HDX: variants seen among roughly 807,000 people sequenced by gnomAD.
The protein encoded by HDX is highly divergent homeobox.
HDX carries 19 observed loss-of-function variants against 45.2 expected under a neutral mutation model. The observed-to-expected ratio is 0.42, with a 90% confidence interval of 0.29 to 0.62. The LOEUF (loss-of-function observed/expected upper bound fraction) is 0.62. Ranked by LOEUF, HDX falls within the 20% of genes least tolerant of loss-of-function variation. The pLI, the probability that HDX is intolerant of heterozygous loss-of-function variation, is 0.20. For missense variants in HDX, 532 were observed against 493.9 expected, an observed-to-expected ratio of 1.08 and a Z score of -0.73; for synonymous variants, 188 against 172.8, an observed-to-expected ratio of 1.09 and a Z score of -0.69.
chrX:84,370,351 GC>G (rs1362139244), intron 5 of HDX, among the ~76,000 whole-genome samples: 1 of 111,799 alleles, frequency 8.9e-6, no homozygotes, highest in African/African-American at 3.3e-5. Context: ...TGAGACCTCT[GC>G]TTTCACAATA....
intron 5 of HDX, among the ~76,000 whole-genome samples, chrX:84,379,167 CA>C (rs1159085336): frequency 9.2e-6 from 1 of 108,977 alleles, no homozygotes; most frequent in Admixed American, 9.9e-5. Flanking sequence ...TATATATAAT[CA>C]AATTATATAT....
At chrX:84,354,968 T>C (rs868098640) in intron 6 of HDX, among the ~76,000 whole-genome samples, 3 of 66,709 alleles carry the variant, frequency 4.5e-5, no homozygotes, top group Admixed American at 1.8e-4. Context: ...TATATATATA[T>C]ATATACACAT....
At chrX:84,408,785 G>T (rs1226164600) in intron 5 of HDX, among the ~76,000 whole-genome samples, 1 of 109,635 alleles carries the variant, frequency 9.1e-6, no homozygotes, top group Admixed American at 9.8e-5. Context: ...CCACCTCCTT[G>T]GTTAGCTGTA....
chrX:84,382,658 A>G (rs2038216761), intron 5 of HDX, among the ~76,000 whole-genome samples: 1 of 111,215 alleles, frequency 9.0e-6, no homozygotes, highest in East Asian at 2.8e-4. Context: ...AATTGAACTC[A>G]TGGACCTAGA....
At chrX:84,477,587 G>A (rs1031489433) in intron 2 of HDX, among the ~76,000 whole-genome samples, 1 of 111,044 alleles carries the variant, frequency 9.0e-6, no homozygotes, top group African/African-American at 3.3e-5. Context: ...CTATATTATA[G>A]GAAGTTAATT....
intron 1 of HDX, among the ~76,000 whole-genome samples, chrX:84,490,588 G>T (rs1220370788): frequency 2.7e-5 from 3 of 110,660 alleles, no homozygotes; most frequent in Middle Eastern, 4.8e-3. Context: ...TTTCAATTTG[G>T]TATTACTTTT....
intron 2 of HDX, among the ~76,000 whole-genome samples, chrX:84,478,805 G>T (rs1330141691): frequency 9.0e-6 from 1 of 111,010 alleles, no homozygotes; most frequent in Non-Finnish European, 1.9e-5. Context: ...GTTACAGTGA[G>T]CTATGACTGC....
intron 5 of HDX, among the ~76,000 whole-genome samples, chrX:84,422,722 G>A (rs2039286636): frequency 1.1e-5 from 1 of 89,723 alleles, no homozygotes; most frequent in Non-Finnish European, 2.1e-5. Flanking sequence ...AGGCTGGAGT[G>A]CAGTGGTGCG....
chrX:84,327,160 AG>A (rs1192114818), intron 9 of HDX, among the ~76,000 whole-genome samples: 1 of 111,655 alleles, frequency 9.0e-6, no homozygotes, highest in Non-Finnish European at 1.9e-5. Flanking sequence ...TATTGGTGTA[AG>A]AATCAGTTAC....
At chrX:84,416,640 GGACCAGTGT>G (rs1160324429) in intron 5 of HDX, among the ~76,000 whole-genome samples, 1 of 110,814 alleles carries the variant, frequency 9.0e-6, no homozygotes, top group Non-Finnish European at 1.9e-5. Context: ...GGCACGTTGT[GGACCAGTGT>G]GATACAATAT....
chrX:84,381,165 T>C (rs2038179295), intron 5 of HDX, among the ~76,000 whole-genome samples: 1 of 110,759 alleles, frequency 9.0e-6, no homozygotes, highest in South Asian at 3.8e-4. Flanking sequence ...ATCTCCATAA[T>C]GAAAACTACA....
intron 5 of HDX, among the ~76,000 whole-genome samples, chrX:84,421,455 C>T (rs776561661): frequency 1.2e-4 from 13 of 110,058 alleles, no homozygotes; most frequent in Middle Eastern, 4.6e-3. Flanking sequence ...AATTGTATTA[C>T]CAGGCAAAAT....
chrX:84,376,211 G>A (rs966405690), intron 5 of HDX, among the ~76,000 whole-genome samples: 3 of 112,139 alleles, frequency 2.7e-5, no homozygotes, highest in Non-Finnish European at 1.9e-5. Context: ...GAGCCCTTAG[G>A]CCGCGAATAG....
At chrX:84,325,076 T>A (rs986769795) in intron 10 of HDX, among the ~76,000 whole-genome samples, 1 of 110,818 alleles carries the variant, frequency 9.0e-6, no homozygotes, top group Non-Finnish European at 1.9e-5. Flanking sequence ...TGACAGGGTG[T>A]ATGGGGAGTA....
At chrX:84,351,420 C>T (rs1046872786) in intron 6 of HDX, among the ~76,000 whole-genome samples, 6 of 110,667 alleles carry the variant, frequency 5.4e-5, no homozygotes, top group African/African-American at 2.0e-4. Context: ...TGTTCCACAG[C>T]CTGGTGAGGC....
At chrX:84,414,563 G>A (rs1410724656) in intron 5 of HDX, among the ~76,000 whole-genome samples, 1 of 106,643 alleles carries the variant, frequency 9.4e-6, no homozygotes, top group Admixed American at 1.1e-4. Flanking sequence ...CAGGTATGTC[G>A]AGATTCCAAA....
At chrX:84,467,920 AT>A (rs1219713321) in intron 4 of HDX, among the ~76,000 whole-genome samples, 1 of 112,034 alleles carries the variant, frequency 8.9e-6, no homozygotes, top group Non-Finnish European at 1.9e-5. Flanking sequence ...CCCTATAAAC[AT>A]TTTTAAATGA....
At chrX:84,382,144 G>A (rs1352711068) in intron 5 of HDX, among the ~76,000 whole-genome samples, 1 of 111,453 alleles carries the variant, frequency 9.0e-6, no homozygotes, top group Non-Finnish European at 1.9e-5. Flanking sequence ...ACTACAATGA[G>A]GCATTATCTT....
chrX:84,413,621 G>C (rs1295283649), intron 5 of HDX, among the ~76,000 whole-genome samples: 1 of 111,813 alleles, frequency 8.9e-6, no homozygotes, highest in Admixed American at 9.6e-5. Flanking sequence ...ATGCTCTCTT[G>C]TTAACTATTT....
Sources: allele counts gnomAD v4.1 joint callset (sites outside exome capture counted in the v4.1 genomes callset), GRCh38; gene constraint gnomAD v4.1.1; transcripts MANE v1.5; gene names NCBI Gene and HGNC (gene_info 2026-07-23, HGNC 2026-07-21).